The following DEK variants were observed in gnomAD, a reference collection of about 807,000 sequenced individuals.
DEK encodes the protein protein DEK.
Under a neutral mutation model 46.8 loss-of-function variants are expected in DEK, and 28 were observed. The observed-to-expected ratio is 0.60, with a 90% CI of 0.44 to 0.82. DEK has a LOEUF of 0.82. Among genes scored for constraint, DEK ranks in the 40% least tolerant of loss-of-function variants. The pLI is 0.00. For missense variants in DEK, 416 were observed against 430.6 expected (o/e 0.97, Z 0.30); for synonymous variants, 160 against 144.5 (o/e 1.11, Z -0.77).
In DEK at chr6:18,259,430, A is replaced by AAAAAAT. The variant is rs1554162685; in HGVS notation, c.146-1026_146-1025insATTTTT. Among the ~76,000 whole-genome samples the AAAAAAT allele has an allele frequency of 9.6e-4, 93 of 96,838 alleles. 10 individuals carry two copies. The highest frequency in any genetic ancestry group is 5.3e-3 in the East Asian group (12 of 2,270). 63.5% of individuals were successfully genotyped at this position (96,838 alleles called of 152,430 possible). A position where few individuals can be genotyped will look rare whatever the true frequency, so the allele number is the denominator to read the frequency against. ...AAAAAAAAAAAAAAAAAAAAAAAAAAAAATCTAGAAAACAGGTAGCATATA... is the reference window on the plus strand; with the variant it reads ...AAAAAAAAAAAAAAAAAAAAAAAAAAAAAAATAAATCTAGAAAACAGGTAGCATATA... On this transcript the variant is annotated intron_variant, in intron 2 of 10. Coordinates refer to ENST00000652689, the MANE Select transcript of DEK (RefSeq NM_003472.4).
chr6:18,236,171 AGATCAGAAAAAG>A (rs1262619319), intron 9 of DEK, among the ~76,000 whole-genome samples: 22 of 152,212 alleles, frequency 1.4e-4, no homozygotes, highest in African/African-American at 5.3e-4. Flanking sequence ...AACAACCTAC[AGATCAGAAAAAG>A]TTTCCTATGT....
intron 9 of DEK, 151 bp from the exon 10 acceptor site, chr6:18,226,393 AAT>A (rs1308104383): frequency 1.7e-6 from 1 of 583,820 alleles, no homozygotes; most frequent in Non-Finnish European, 2.6e-6. Context: ...TTCTATTCCA[AAT>A]GAGTATTTTA....
rs1790572487 is a variant in DEK, at chr6:18,234,704, G to A, written c.1047+1748C>T. Reference sequence around the variant, plus strand: ...GGATTCATCAATGGTTCTTAATTTTGCCTCCACAGGACCACCCTTCACCTC... The same window carrying A: ...GGATTCATCAATGGTTCTTAATTTTACCTCCACAGGACCACCCTTCACCTC... On this transcript the variant is annotated intron_variant, in intron 9 of 10. Coordinates refer to ENST00000652689, the MANE Select transcript of DEK (RefSeq NM_003472.4). Among the ~76,000 whole-genome samples the A allele has an allele frequency of 4.6e-5, 7 of 152,088 alleles. No homozygotes were observed. The South Asian group carries it at 1.5e-3, about 32-fold the overall frequency.
Position 18,230,859 on chromosome 6 carries a change from G to T in DEK, c.1048-4617C>A, listed in dbSNP as rs1168279685. ...CAAGGATACCCAGGAATTGAACTCA[G>T]CTCTGCACCAAGCGGACCTAACAGA... On this transcript the variant is annotated intron_variant, in intron 9 of 10. Transcript: ENST00000652689. Among the ~76,000 whole-genome samples, 3 of 152,180 alleles carry T rather than the reference G, an allele frequency of 2.0e-5. No homozygotes were observed. The East Asian group carries it at 5.8e-4, about 29-fold the overall frequency.
At chr6:18,258,937 T>A (rs1791719904) in intron 2 of DEK, among the ~76,000 whole-genome samples, 1 of 152,154 alleles carries the variant, frequency 6.6e-6, no homozygotes, top group South Asian at 2.1e-4. Flanking sequence ...ACTCTCCAAG[T>A]TTACATTTAA....
chr6:18,264,301 G>T, intron 1 of DEK, 84 bp downstream of exon 1: 1 of 174,836 alleles, frequency 5.7e-6, no homozygotes, highest in South Asian at 1.8e-4. Flanking sequence ...CCCCGCCCCA[G>T]GCCGCCGTCC....
At chr6:18,262,932 T>TA (rs1791943858) in intron 2 of DEK, among the ~76,000 whole-genome samples, 2 of 152,064 alleles carry the variant, frequency 1.3e-5, no homozygotes, top group South Asian at 2.1e-4. Flanking sequence ...GGTTGAGGCT[T>TA]AAAAAAAATC....
chr6:18,249,513 G>C (rs1206512752), intron 7 of DEK, 138 bp downstream of exon 7: 2 of 1,288,560 alleles, frequency 1.6e-6, no homozygotes, highest in Non-Finnish European at 2.0e-6. Flanking sequence ...AAAGAAATGG[G>C]TTCATACTTA....
chr6:18,229,894 C>G (rs551983696), intron 9 of DEK, among the ~76,000 whole-genome samples: 55 of 152,228 alleles, frequency 3.6e-4, no homozygotes, highest in African/African-American at 1.2e-3. Flanking sequence ...AAAAATACTC[C>G]TCGAGAAGAG....
At chr6:18,239,938 T>A (rs368480925) in intron 7 of DEK, among the ~76,000 whole-genome samples, 93 of 152,274 alleles carry the variant, frequency 6.1e-4, no homozygotes, top group African/African-American at 2.2e-3. Flanking sequence ...TAAACGGTAA[T>A]AAAATCTGGA....
intron 2 of DEK, among the ~76,000 whole-genome samples, chr6:18,262,497 T>A (rs1295525093): frequency 6.6e-6 from 1 of 152,208 alleles, no homozygotes; most frequent in Non-Finnish European, 1.5e-5. Context: ...TACAACATCA[T>A]GTTTTTAAAA....
chr6:18,249,607 C>T, intron 7 of DEK, 44 bp downstream of exon 7: 2 of 1,474,486 alleles, frequency 1.4e-6, no homozygotes, highest in Non-Finnish European at 1.8e-6. Context: ...ATTTAACTCT[C>T]CCCATGGAAA....
In DEK at chr6:18,250,451, A is replaced by G. The variant is rs9358151; in HGVS notation, c.574-612T>C. Among the ~76,000 whole-genome samples the G allele has an allele frequency of 1.4e-3, 218 of 152,176 alleles. 2 individuals are homozygous for G. The East Asian group carries it at 0.041, about 29-fold the overall frequency. On this transcript the variant is annotated intron_variant, in intron 6 of 10. Coordinates refer to ENST00000652689, the MANE Select transcript of DEK (RefSeq NM_003472.4). ...GCCACTGCAGTCCAGCCTGGGCAACAGTGTGAGACTCCGTCTCAAAAAAAC... is the reference window on the plus strand; with the variant it reads ...GCCACTGCAGTCCAGCCTGGGCAACGGTGTGAGACTCCGTCTCAAAAAAAC...
At chr6:18,259,139 G>C (rs919355481) in intron 2 of DEK, among the ~76,000 whole-genome samples, 7 of 151,850 alleles carry the variant, frequency 4.6e-5, no homozygotes, top group African/African-American at 1.7e-4. Flanking sequence ...GACCATCCCG[G>C]CTAACTCGGT....
At chr6:18,239,338 CTTTTTTTTTTT>C (rs58941276) in intron 7 of DEK, among the ~76,000 whole-genome samples, 1 of 78,294 alleles carries the variant, frequency 1.3e-5, no homozygotes, top group African/African-American at 6.0e-5. Flanking sequence ...ATTTTAGTGT[CTTTTTTTTTTT>C]TTTTTTTTTT....
At chr6:18,240,437 C>A (rs1346243572) in intron 7 of DEK, among the ~76,000 whole-genome samples, 1 of 152,186 alleles carries the variant, frequency 6.6e-6, no homozygotes, top group Non-Finnish European at 1.5e-5. Flanking sequence ...AATTCCAGCC[C>A]CAGTACATCT....
At position 18,263,999 on chromosome 6, in the gene DEK, G is replaced by A. The variant is rs1791995623; in HGVS notation, c.-9-3C>T. On this transcript the variant is annotated splice_region_variant and splice_polypyrimidine_tract_variant and intron_variant, in intron 1 of 10. Coordinates refer to ENST00000652689, the MANE Select transcript of DEK (RefSeq NM_003472.4). ...GCCGAGGCGGACATGCTGTGAACCT[G>A]CATGCGGGAAGAAAGCCGGACGTCT... 6.3e-7 allele frequency: 1 copy of A among 1,592,018 alleles called. No homozygotes were observed. Among genetic ancestry groups the A allele is most frequent in the Non-Finnish European group, 8.5e-7 (1 of 1,169,778 alleles).
chr6:18,239,906 T>G (rs1790831505), intron 7 of DEK, among the ~76,000 whole-genome samples: 1 of 152,192 alleles, frequency 6.6e-6, no homozygotes, highest in Admixed American at 6.5e-5. Context: ...ACAATAATCA[T>G]GATTATATAT....
intron 9 of DEK, among the ~76,000 whole-genome samples, chr6:18,233,070 T>C (rs979377957): frequency 1.3e-5 from 2 of 152,196 alleles, no homozygotes; most frequent in African/African-American, 4.8e-5. Context: ...ATATGATCTT[T>C]GACAAACCTG....
Sources: allele counts gnomAD v4.1 joint callset (sites outside exome capture counted in the v4.1 genomes callset), GRCh38; gene constraint gnomAD v4.1.1; transcripts MANE v1.5; gene names NCBI Gene and HGNC (gene_info 2026-07-23, HGNC 2026-07-21).